The following CNTNAP4 variants were observed in gnomAD, a reference collection of about 807,000 sequenced individuals.
The protein encoded by CNTNAP4 is contactin associated protein family member 4, also known as contactin-associated protein-like 4.
Under a neutral mutation model 148.4 loss-of-function variants are expected in CNTNAP4, and 98 were observed. The observed-to-expected ratio is 0.66, with a 90% CI of 0.56 to 0.78. CNTNAP4 has a LOEUF of 0.78. Among genes scored for constraint, CNTNAP4 ranks in the 30% least tolerant of loss-of-function variants. The pLI is 0.00. For synonymous variants in CNTNAP4, 730 were observed against 565.1 expected (o/e 1.29, Z -4.14); for missense variants, 1,935 against 1,565.6 (o/e 1.24, Z -3.98).
intron 3 of CNTNAP4, among the ~76,000 whole-genome samples, chr16:76,374,215 CA>C (rs1184742464): frequency 2.0e-5 from 3 of 152,138 alleles, no homozygotes; most frequent in Non-Finnish European, 2.9e-5. Context: ...AAGACATCCT[CA>C]GGGGGCAATC....
chr16:76,353,787 T>G (rs1053167621), intron 2 of CNTNAP4, among the ~76,000 whole-genome samples: 8 of 152,258 alleles, frequency 5.3e-5, no homozygotes, highest in Non-Finnish European at 1.2e-4. Context: ...AGTTCTGCCC[T>G]TCATCTATCA....
intron 1 of CNTNAP4, among the ~76,000 whole-genome samples, chr16:76,309,389 G>A (rs1960844332): frequency 1.3e-5 from 2 of 152,100 alleles, no homozygotes; most frequent in Non-Finnish European, 2.9e-5. Context: ...AGGCAGAGGA[G>A]AGGAAACTTT....
chr16:76,479,739 T>C (rs1343873221), intron 12 of CNTNAP4, among the ~76,000 whole-genome samples: 2 of 152,166 alleles, frequency 1.3e-5, no homozygotes, highest in African/African-American at 4.8e-5. Context: ...GCATGTGGCA[T>C]CTGTGTAAAA....
intron 2 of CNTNAP4, among the ~76,000 whole-genome samples, chr16:76,326,511 C>A (rs554929187): frequency 6.6e-6 from 1 of 152,052 alleles, no homozygotes; most frequent in South Asian, 2.1e-4. Flanking sequence ...ATGTTTATTG[C>A]GGCACTATTC....
At chr16:76,288,863 G>C (rs996633602) in intron 1 of CNTNAP4, among the ~76,000 whole-genome samples, 1 of 152,044 alleles carries the variant, frequency 6.6e-6, no homozygotes, top group African/African-American at 2.4e-5. Context: ...TGTTATTTTG[G>C]TGATTTAAAC....
intron 17 of CNTNAP4, among the ~76,000 whole-genome samples, chr16:76,530,575 C>T (rs1030415632): frequency 1.3e-5 from 2 of 152,106 alleles, no homozygotes; most frequent in Admixed American, 6.5e-5. Flanking sequence ...TCAGTGTGTG[C>T]GAAGTCTAAA....
At chr16:76,306,682 A>G (rs1211473302) in intron 1 of CNTNAP4, among the ~76,000 whole-genome samples, 3 of 152,200 alleles carry the variant, frequency 2.0e-5, no homozygotes. Context: ...TATCACACTG[A>G]CTAATTTTCG....
chr16:76,548,895 C>T (rs1379544077), intron 21 of CNTNAP4, among the ~76,000 whole-genome samples: 1 of 152,164 alleles, frequency 6.6e-6, no homozygotes, highest in African/African-American at 2.4e-5. Context: ...ATATCTGATG[C>T]TATGTATTTC....
intron 4 of CNTNAP4, among the ~76,000 whole-genome samples, chr16:76,445,583 G>A (rs2080208443): frequency 6.6e-6 from 1 of 152,002 alleles, no homozygotes; most frequent in Admixed American, 6.6e-5. Flanking sequence ...GGTTTTATAT[G>A]TTTTTCTCTA....
intron 1 of CNTNAP4, among the ~76,000 whole-genome samples, chr16:76,298,776 G>C (rs759342014): frequency 6.6e-6 from 1 of 152,082 alleles, no homozygotes; most frequent in Non-Finnish European, 1.5e-5. Context: ...CATTTCCTGA[G>C]ACATTCAGTC....
chr16:76,512,578 T>A (rs1270499142), intron 15 of CNTNAP4, among the ~76,000 whole-genome samples: 1 of 152,142 alleles, frequency 6.6e-6, no homozygotes, highest in African/African-American at 2.4e-5. Flanking sequence ...TAGAGAAATA[T>A]AAAGAGCCCA....
chr16:76,461,852 T>A (rs2080975169), intron 8 of CNTNAP4, 104 bp from the exon 9 acceptor site: 3 of 897,200 alleles, frequency 3.3e-6, no homozygotes, highest in Non-Finnish European at 5.2e-6. Context: ...AATAATAGAG[T>A]TAAGTACTGT....
At chr16:76,371,188 A>G (rs1164520523) in intron 3 of CNTNAP4, among the ~76,000 whole-genome samples, 1 of 152,232 alleles carries the variant, frequency 6.6e-6, no homozygotes, top group East Asian at 1.9e-4. Context: ...CATCTTACAG[A>G]TGATCAAACA....
intron 1 of CNTNAP4, among the ~76,000 whole-genome samples, chr16:76,292,605 A>G (rs921727438): frequency 1.3e-5 from 2 of 152,112 alleles, no homozygotes; most frequent in African/African-American, 2.4e-5. Context: ...ATGATTTACT[A>G]TTTATGGGTA....
chr16:76,286,463 C>G (rs1251123169), intron 1 of CNTNAP4, among the ~76,000 whole-genome samples: 1 of 151,988 alleles, frequency 6.6e-6, no homozygotes, highest in Non-Finnish European at 1.5e-5. Context: ...TGATATTACC[C>G]TTTTGCGATC....
At chr16:76,381,003 C>G (rs2015910009) in intron 3 of CNTNAP4, among the ~76,000 whole-genome samples, 1 of 152,176 alleles carries the variant, frequency 6.6e-6, no homozygotes, top group South Asian at 2.1e-4. Flanking sequence ...TGTCGCCAGG[C>G]TCTGCACTTT....
chr16:76,558,290 G>A (rs2085278572), intron 23 of CNTNAP4, 200 bp from the exon 24 acceptor site: 1 of 485,320 alleles, frequency 2.1e-6, no homozygotes, highest in Non-Finnish European at 3.6e-6. Flanking sequence ...GAACCCACAA[G>A]GCTGATAGAA....
intron 3 of CNTNAP4, among the ~76,000 whole-genome samples, chr16:76,406,412 A>T (rs533300918): frequency 6.6e-6 from 1 of 152,008 alleles, no homozygotes. Context: ...AATTAGACCA[A>T]TTAATAACCT....
Position 76,341,179 on chromosome 16 carries a change from A to G in CNTNAP4, c.197-14139A>G, listed in dbSNP as rs535862502. On this transcript the variant is annotated intron_variant, in intron 2 of 23. Transcript: ENST00000611870. ...AGTGTAGATGCCAGCTCTCCCTGAC[A>G]TCTTCCTCAACTTTTTCATTGAGAG... Among the ~76,000 whole-genome samples, 31 of 151,646 alleles carry G rather than the reference A, an allele frequency of 2.0e-4. 1 individual carries two copies. In the South Asian group the frequency reaches 6.5e-3, roughly 32 times the overall value.
Sources: gnomAD v4.1 joint callset for allele counts (sites outside exome capture counted in the v4.1 genomes callset) on GRCh38, gnomAD v4.1.1 for gene constraint, MANE v1.5 for transcripts, NCBI Gene and HGNC (gene_info 2026-07-23, HGNC 2026-07-21) for gene names.